MTR: variants seen among roughly 807,000 people sequenced by gnomAD.
MTR encodes 5-methyltetrahydrofolate-homocysteine methyltransferase.
A neutral mutation model predicts 154.8 loss-of-function variants in MTR; 84 were observed. The observed-to-expected ratio is 0.54, with a 90% CI of 0.45 to 0.65. The LOEUF (loss-of-function observed/expected upper bound fraction) is 0.65, where lower values mean the gene tolerates loss of function less well. MTR is among the 30% of genes least tolerant of loss of function. The pLI, the probability that MTR is intolerant of heterozygous loss-of-function variation, is 0.00. For synonymous variants in MTR, 554 were observed against 553.9 expected (o/e 1.00, Z 0.00); for missense variants, 1,275 against 1,570.2 (o/e 0.81, Z 3.18).
intron 1 of MTR, among the ~76,000 whole-genome samples, chr1:236,802,793 GT>G (rs1476675655): frequency 2.6e-5 from 4 of 152,178 alleles, no homozygotes; most frequent in Admixed American, 1.3e-4. Context: ...AGTCAGCATA[GT>G]TTTGTGGCTT....
intron 1 of MTR, among the ~76,000 whole-genome samples, chr1:236,799,646 G>A (rs1044999691): frequency 7.2e-5 from 11 of 152,050 alleles, no homozygotes; most frequent in African/African-American, 2.7e-4. Flanking sequence ...ATTCTGGAAT[G>A]TACAAGGAAC....
chr1:236,806,118 A>G (rs1660969605), intron 2 of MTR, 26 bp from the exon 3 acceptor site: 2 of 1,595,454 alleles, frequency 1.3e-6, no homozygotes, highest in Non-Finnish European at 1.7e-6. Flanking sequence ...AAAGCTCATA[A>G]TTGACATTAT....
chr1:236,869,664 CAAGG>C (rs766448927), intron 22 of MTR, among the ~76,000 whole-genome samples: 4 of 151,986 alleles, frequency 2.6e-5, no homozygotes, highest in Non-Finnish European at 2.9e-5. Context: ...GAGGGAGAGT[CAAGG>C]AAGATGGGGT....
intron 4 of MTR, 48 bp from the exon 5 acceptor site, chr1:236,810,455 A>G: frequency 6.7e-7 from 1 of 1,485,528 alleles, no homozygotes; most frequent in East Asian, 2.3e-5. Context: ...CACGACAAAA[A>G]ATGTTCAGCC....
chr1:236,867,566 G>C (rs1314119729), intron 22 of MTR, among the ~76,000 whole-genome samples: 1 of 152,140 alleles, frequency 6.6e-6, no homozygotes, highest in Non-Finnish European at 1.5e-5. Context: ...ATTTTGTAAG[G>C]CTGTAGCTGC....
intron 8 of MTR, chr1:236,820,511 A>G (rs929173548): frequency 5.1e-6 from 5 of 985,344 alleles, no homozygotes; most frequent in African/African-American, 1.6e-5. Flanking sequence ...CAACCACTGA[A>G]TGGTCTTAAG....
intron 15 of MTR, 120 bp downstream of exon 15, chr1:236,838,719 T>A: frequency 1.0e-6 from 1 of 980,572 alleles, no homozygotes; most frequent in Admixed American, 2.0e-5. Flanking sequence ...TCTTTCCATA[T>A]ACATTCATGT....
rs376684560 is a variant in MTR, at chr1:236,838,446, T to C, written c.1362T>C (p.Ala454=). The C allele has an allele frequency of 9.9e-6, 16 of 1,614,154 alleles. No individual in the cohort carries two copies. Among genetic ancestry groups the C allele is most frequent in the Non-Finnish European group, 1.4e-5 (16 of 1,180,016 alleles). Residue 454 remains alanine (A), a synonymous_variant, in exon 15 of 33, where the codon GCT becomes GCC. Transcript: ENST00000366577. ...VPLCIDSSNF[A]VIEAGLKCCQ... is the part of the protein sequence containing the mutation. ...TGTGCATCGACTCCTCCAATTTTGC[T>C]GTGATTGAAGCTGGGTTAAAGTGCT...
intron 28 of MTR, among the ~76,000 whole-genome samples, chr1:236,890,104 G>C (rs769273781): frequency 1.3e-3 from 196 of 152,260 alleles, no homozygotes; most frequent in Non-Finnish European, 2.2e-3. Context: ...ATGGGATTAG[G>C]GCTGAGAGGA....
chr1:236,886,237 A>T (rs1666002821), intron 26 of MTR, 55 bp from the exon 27 acceptor site: 5 of 1,418,756 alleles, frequency 3.5e-6, no homozygotes, highest in Non-Finnish European at 4.0e-6. Flanking sequence ...ATGTTTTCAC[A>T]GTAGTTGTAG....
At chr1:236,870,525 A>C (rs1665067772) in intron 22 of MTR, among the ~76,000 whole-genome samples, 1 of 152,136 alleles carries the variant, frequency 6.6e-6, no homozygotes, top group Admixed American at 6.5e-5. Context: ...GAGGTTCTGC[A>C]TTTCCGACAA....
Position 236,824,129 on chromosome 1 carries a change from A to G in MTR, c.775A>G (p.Asn259Asp). 6.2e-7 allele frequency: 1 copy of G among 1,613,882 alleles called. No individual in the cohort carries two copies. The highest frequency in any genetic ancestry group is 8.5e-7 in the Non-Finnish European group (1 of 1,179,818). ...TTTCTGTTTTTCTAGCATTGGATTA[A>G]ATTGTGCTTTGGGTGCAGCTGAAAT... ...SHGEPLCIGL[N>D]CALGAAEMRP... Residue 259 changes from asparagine to aspartate, a missense_variant, in exon 9 of 33, where the codon AAT (asparagine) becomes GAT (aspartate). Asn to Asp is a conservative substitution (Grantham distance 23). Transcript: ENST00000366577.
chr1:236,796,079 A>G (rs994188663), intron 1 of MTR, among the ~76,000 whole-genome samples: 9 of 151,214 alleles, frequency 6.0e-5, no homozygotes, highest in Non-Finnish European at 1.2e-4. Flanking sequence ...TTTTTTTTGC[A>G]TGGTGTGACG....
intron 15 of MTR, among the ~76,000 whole-genome samples, chr1:236,845,667 T>G (rs1423569105): frequency 3.9e-5 from 6 of 152,216 alleles, no homozygotes; most frequent in Admixed American, 6.5e-5. Flanking sequence ...ATAGGTAACA[T>G]AATTTTACTG....
chr1:236,885,058 A>G (rs2147918343), intron 25 of MTR, 63 bp from the exon 26 acceptor site: 1 of 1,015,268 alleles, frequency 9.8e-7, no homozygotes, highest in Non-Finnish European at 1.6e-6. Context: ...TGTTATCAGC[A>G]TTGACCATTA....
chr1:236,801,453 A>T (rs1422260354), intron 1 of MTR, among the ~76,000 whole-genome samples: 1 of 152,232 alleles, frequency 6.6e-6, no homozygotes, highest in African/African-American at 2.4e-5. Flanking sequence ...ACCACCATTT[A>T]GCCCCAGTTC....
Position 236,795,491 on chromosome 1 carries a change from T to G in MTR, c.-213T>G. The G allele has an allele frequency of 6.6e-7, 1 of 1,518,364 alleles. No homozygotes were observed. Among genetic ancestry groups the G allele is most frequent in the Non-Finnish European group, 8.8e-7 (1 of 1,135,386 alleles). The allele number at this position is 1,518,364 out of a possible 1,614,324, so 94.1% of individuals were successfully genotyped here. ...GGAAGAAAGCACGTGCTCCAGCAGT[T>G]GCCGCGCCCAGCCCCGAGAGAGGCC... On this transcript the variant is annotated 5_prime_UTR_variant, in exon 1 of 33. Transcript: ENST00000366577.
chr1:236,825,330 T>C lies in MTR; in HGVS notation c.866-8T>C, dbSNP rs776443401. On this transcript the variant is annotated splice_region_variant and splice_polypyrimidine_tract_variant and intron_variant, in intron 9 of 32. Transcript: ENST00000366577. The stretch of plus-strand genomic sequence containing the variant: ...ATTTGCAATAATGGTTGAATTATCC[T>C]TTCTCAGGTCTTCCCAACACCTTTG... The C allele has an allele frequency of 1.2e-6, 2 of 1,610,960 alleles. No homozygotes were observed. Among genetic ancestry groups the C allele is most frequent in the Admixed American group, 1.7e-5 (1 of 60,016 alleles).
At position 236,860,005 on chromosome 1, in the gene MTR, G is replaced by A. The variant is rs1265748238; in HGVS notation, c.2043+83G>A. ...GTTGTGGGCGGTGTGACAGTAGCTGGAGAAGGAGATGCCTAGACCACTGAT... is the reference window on the plus strand; with the variant it reads ...GTTGTGGGCGGTGTGACAGTAGCTGAAGAAGGAGATGCCTAGACCACTGAT... On this transcript the variant is annotated intron_variant, in intron 19 of 32. Transcript: ENST00000366577. 12 of 1,217,704 alleles carry A rather than the reference G, an allele frequency of 9.9e-6. No individual in the cohort carries two copies. In the African/African-American group the frequency reaches 1.2e-4, roughly 12 times the overall value. 75.4% of individuals were successfully genotyped at this position (1,217,704 alleles called of 1,614,324 possible).
Sources: gnomAD v4.1 joint callset for allele counts (sites outside exome capture counted in the v4.1 genomes callset) on GRCh38, gnomAD v4.1.1 for gene constraint, MANE v1.5 for transcripts, NCBI Gene and HGNC (gene_info 2026-07-23, HGNC 2026-07-21) for gene names.